FRMD4B: variants seen among roughly 807,000 people sequenced by gnomAD.
FRMD4B encodes the protein FERM domain-containing protein 4B.
A neutral mutation model predicts 141.5 loss-of-function variants in FRMD4B; 74 were observed. The ratio of observed to expected loss-of-function variants is 0.52; its 90% confidence interval spans 0.43 to 0.63. The LOEUF is 0.63. Ranked by LOEUF, FRMD4B falls within the 30% of genes least tolerant of loss-of-function variation. FRMD4B has a pLI of 0.00. For missense variants in FRMD4B, 1,366 were observed against 1,253.4 expected, an observed-to-expected ratio of 1.09 and a Z score of -1.36; for synonymous variants, 506 against 467.9, an observed-to-expected ratio of 1.08 and a Z score of -1.05.
intron 7 of FRMD4B, among the ~76,000 whole-genome samples, chr3:69,240,258 G>C (rs889520300): frequency 2.0e-5 from 3 of 151,876 alleles, no homozygotes; most frequent in Non-Finnish European, 4.4e-5. Context: ...GAGGAGGGTG[G>C]AACCCAAGGT....
At chr3:69,298,921 C>A (rs914366805) in intron 4 of FRMD4B, among the ~76,000 whole-genome samples, 6 of 151,894 alleles carry the variant, frequency 4.0e-5, no homozygotes, top group Non-Finnish European at 7.4e-5. Context: ...TTTATGGCTG[C>A]AGGATTTTGT....
At chr3:69,354,701 T>A (rs1297761836) in intron 1 of FRMD4B, among the ~76,000 whole-genome samples, 2 of 152,144 alleles carry the variant, frequency 1.3e-5, no homozygotes, top group East Asian at 3.9e-4. Context: ...GTGGGGTACC[T>A]CCCTTTACCC....
At position 69,404,868 on chromosome 3, in the gene FRMD4B, C is replaced by T. The variant is rs1042167661; in HGVS notation, c.-1+27766G>A. ...TACTCAGGTATGGTTACCAGGAGGG[C>T]AGGGATCCTGATTGTCTTCCTCACA... is the stretch of plus-strand genomic sequence containing the variant. On this transcript the variant is annotated intron_variant, in intron 2 of 5. Coordinates refer to the FRMD4B transcript ENST00000459638. 3.3e-5 allele frequency among the ~76,000 whole-genome samples: 5 copies of T among 152,132 alleles called. 1 individual carries two copies. In the South Asian group the frequency reaches 1.0e-3, roughly 32 times the overall value.
chr3:69,535,483 T>G (rs1701070180), intron 1 of FRMD4B, among the ~76,000 whole-genome samples: 3 of 152,256 alleles, frequency 2.0e-5, no homozygotes, highest in Non-Finnish European at 2.9e-5. Flanking sequence ...TACTATTATT[T>G]GTTGAGCCTT....
intron 7 of FRMD4B, among the ~76,000 whole-genome samples, chr3:69,244,845 A>G (rs2093411925): frequency 1.3e-5 from 2 of 152,114 alleles, no homozygotes; most frequent in African/African-American, 4.8e-5. Flanking sequence ...AATGAGCTGC[A>G]CTCCAGTCTG....
intron 1 of FRMD4B, among the ~76,000 whole-genome samples, chr3:69,514,975 T>A (rs554115274): frequency 1.3e-5 from 2 of 152,212 alleles, no homozygotes; most frequent in Admixed American, 1.3e-4. Context: ...ATTATAAAAC[T>A]GCAAGAATCA....
chr3:69,220,621 T>C (rs150132314), intron 9 of FRMD4B, among the ~76,000 whole-genome samples: 56 of 152,150 alleles, frequency 3.7e-4, no homozygotes, highest in African/African-American at 1.3e-3. Flanking sequence ...GGAGGCCGAG[T>C]TGGGCAGATC....
At chr3:69,205,357 G>A (rs1236792624) in intron 11 of FRMD4B, among the ~76,000 whole-genome samples, 3 of 151,996 alleles carry the variant, frequency 2.0e-5, no homozygotes, top group Admixed American at 6.6e-5. Flanking sequence ...TTCATTGGGG[G>A]TATTTCACTG....
chr3:69,355,845 C>T (rs945613949), intron 1 of FRMD4B, among the ~76,000 whole-genome samples: 1 of 151,988 alleles, frequency 6.6e-6, no homozygotes, highest in African/African-American at 2.4e-5. Flanking sequence ...GCCAACATGG[C>T]GTAACCCCAT....
At chr3:69,508,672 C>T (rs1706637885) in intron 1 of FRMD4B, among the ~76,000 whole-genome samples, 2 of 152,022 alleles carry the variant, frequency 1.3e-5, no homozygotes, top group Admixed American at 1.3e-4. Flanking sequence ...AACCAATGGG[C>T]CAAAGAAGAA....
chr3:69,527,038 G>GAGAT (rs1250223777), intron 1 of FRMD4B, among the ~76,000 whole-genome samples: 1 of 152,084 alleles, frequency 6.6e-6, no homozygotes, highest in Non-Finnish European at 1.5e-5. Context: ...CTGATCCTCA[G>GAGAT]AGATTCCCAC....
intron 1 of FRMD4B, among the ~76,000 whole-genome samples, chr3:69,500,943 G>A (rs78704708): frequency 0.014 from 2,101 of 152,184 alleles, 57 homozygotes; most frequent in East Asian, 0.12. Context: ...CTAGGCACAC[G>A]CATGTACACA....
At chr3:69,480,792 G>C (rs1283520517) in intron 1 of FRMD4B, among the ~76,000 whole-genome samples, 1 of 152,172 alleles carries the variant, frequency 6.6e-6, no homozygotes, top group Non-Finnish European at 1.5e-5. Context: ...CTTTTTGTTT[G>C]TCTCTGCCCT....
At chr3:69,190,437 CAG>C (rs758751231) in intron 17 of FRMD4B, among the ~76,000 whole-genome samples, 10 of 149,198 alleles carry the variant, frequency 6.7e-5, no homozygotes, top group Non-Finnish European at 1.5e-4. Context: ...GTTTATGGGA[CAG>C]AGTCTCATTC....
intron 9 of FRMD4B, among the ~76,000 whole-genome samples, chr3:69,220,808 T>G (rs6764830): frequency 3.3e-5 from 5 of 152,176 alleles, no homozygotes; most frequent in African/African-American, 1.2e-4. Flanking sequence ...GAGATGAGAT[T>G]GCATCACGGC....
At chr3:69,273,934 A>G (rs1045959748) in intron 5 of FRMD4B, among the ~76,000 whole-genome samples, 1 of 152,062 alleles carries the variant, frequency 6.6e-6, no homozygotes, top group African/African-American at 2.4e-5. Flanking sequence ...AAAAAAAAAA[A>G]GAATTTCTTA....
chr3:69,380,462 C>T (rs1441460239), intron 1 of FRMD4B, among the ~76,000 whole-genome samples: 1 of 152,166 alleles, frequency 6.6e-6, no homozygotes, highest in African/African-American at 2.4e-5. Context: ...CCAGAGCTAA[C>T]ATTTATTGAG....
At chr3:69,540,692 C>CATAT (rs59055951) in intron 1 of FRMD4B, among the ~76,000 whole-genome samples, 2,569 of 128,434 alleles carry the variant, frequency 0.02, 82 homozygotes, top group East Asian at 0.028. Flanking sequence ...CACACACACA[C>CATAT]GGCAGTTATT....
chr3:69,430,507 GT>G (rs1158581715), intron 2 of FRMD4B, among the ~76,000 whole-genome samples: 1 of 152,172 alleles, frequency 6.6e-6, no homozygotes, highest in Non-Finnish European at 1.5e-5. Flanking sequence ...ACAAGATCCT[GT>G]CTTTCTCATT....
Sources: gnomAD v4.1 joint callset for allele counts (sites outside exome capture counted in the v4.1 genomes callset) on GRCh38, gnomAD v4.1.1 for gene constraint, MANE v1.5 for transcripts, NCBI Gene and HGNC (gene_info 2026-07-23, HGNC 2026-07-21) for gene names.